Variants in RIN3 observed in about 807,000 individuals in gnomAD.
The protein encoded by RIN3 is RAB5 interacting protein 3.
A neutral mutation model predicts 76.3 loss-of-function variants in RIN3; 54 were observed. The observed-to-expected ratio is 0.71, with a 90% CI of 0.57 to 0.89. The LOEUF (loss-of-function observed/expected upper bound fraction) is 0.89, where lower values mean the gene tolerates loss of function less well. RIN3 is among the 40% of genes least tolerant of loss of function. RIN3 has a pLI of 0.00. For missense variants in RIN3, 1,256 were observed against 1,322.1 expected, an observed-to-expected ratio of 0.95 and a Z score of 0.78; for synonymous variants, 576 against 564.0, an observed-to-expected ratio of 1.02 and a Z score of -0.30.
chr14:92,628,440 C>G (rs1278063122), intron 4 of RIN3, among the ~76,000 whole-genome samples: 9 of 152,200 alleles, frequency 5.9e-5, no homozygotes, highest in Admixed American at 5.9e-4. Context: ...CCCAGAGCAT[C>G]CTCCTGTGGG....
At chr14:92,520,482 G>A (rs61270237) in intron 1 of RIN3, among the ~76,000 whole-genome samples, 5 of 152,282 alleles carry the variant, frequency 3.3e-5, no homozygotes, top group South Asian at 2.1e-4. Context: ...ACTCTGGGAC[G>A]TTTAGCAAAG....
chr14:92,671,320 C>A (rs1453384709), intron 7 of RIN3, among the ~76,000 whole-genome samples: 3 of 149,284 alleles, frequency 2.0e-5, no homozygotes, highest in African/African-American at 7.4e-5. Flanking sequence ...GAGGGGGTCC[C>A]AGGAGGGGGG....
intron 3 of RIN3, among the ~76,000 whole-genome samples, chr14:92,600,119 C>G (rs1025642492): frequency 5.3e-5 from 8 of 152,206 alleles, no homozygotes; most frequent in Admixed American, 3.9e-4. Flanking sequence ...ACCACCTGCG[C>G]TCAGAACCAG....
intron 6 of RIN3, among the ~76,000 whole-genome samples, 190 bp downstream of exon 6, chr14:92,653,265 C>T (rs545361700): frequency 8.2e-4 from 125 of 152,280 alleles, no homozygotes; most frequent in African/African-American, 3.0e-3. Context: ...TCCCCCCCTT[C>T]CCTAGAGAAT....
At chr14:92,636,036 G>A (rs1886762971) in intron 4 of RIN3, among the ~76,000 whole-genome samples, 1 of 152,188 alleles carries the variant, frequency 6.6e-6, no homozygotes, top group African/African-American at 2.4e-5. Flanking sequence ...GCTGTGGGAT[G>A]GGGCAAGCCA....
At chr14:92,598,760 T>C (rs1424591563) in intron 3 of RIN3, among the ~76,000 whole-genome samples, 1 of 152,172 alleles carries the variant, frequency 6.6e-6, no homozygotes, top group African/African-American at 2.4e-5. Context: ...GCTACAGAAA[T>C]AGCAGTTAAG....
intron 1 of RIN3, among the ~76,000 whole-genome samples, chr14:92,537,841 A>C (rs151324996): frequency 4.3e-5 from 4 of 93,264 alleles, no homozygotes; most frequent in African/African-American, 1.5e-4. Flanking sequence ...TATTTTATTT[A>C]TTTTTTTTTT....
chr14:92,548,238 T>A (rs946056181), intron 1 of RIN3, among the ~76,000 whole-genome samples: 1 of 152,250 alleles, frequency 6.6e-6, no homozygotes, highest in East Asian at 1.9e-4. Context: ...ATTTTTTTTT[T>A]AAACTTTCAA....
Position 92,687,935 on chromosome 14 carries a change from T to C in RIN3, c.2641T>C (p.Cys881Arg), listed in dbSNP as rs1178297474. Residue 881 changes from cysteine to arginine, a missense_variant, in exon 10 of 10, where the codon TGC (cysteine) becomes CGC (arginine). Coordinates refer to ENST00000216487, the MANE Select transcript of RIN3 (RefSeq NM_024832.5). ...CCTCGCGTCTCCGCAGGACTTCATCTGCGTGTCGTACCTGGAGCCCGAGCA... is the reference window on the plus strand; with the variant it reads ...CCTCGCGTCTCCGCAGGACTTCATCCGCGTGTCGTACCTGGAGCCCGAGCA... ...ASRSSVQDFI[C>R]VSYLEPEQQA... The C allele has an allele frequency of 6.5e-7, 1 of 1,546,272 alleles. No individual in the cohort carries two copies. The highest frequency in any genetic ancestry group is 2.0e-5 in the Admixed American group (1 of 50,418).
chr14:92,566,238 C>G (rs1242246299), intron 2 of RIN3, among the ~76,000 whole-genome samples: 1 of 152,210 alleles, frequency 6.6e-6, no homozygotes. Context: ...TGTTCCCTCA[C>G]TACTCCACCT....
At chr14:92,665,870 C>A (rs529313210) in intron 7 of RIN3, among the ~76,000 whole-genome samples, 1 of 152,234 alleles carries the variant, frequency 6.6e-6, no homozygotes, top group East Asian at 1.9e-4. Flanking sequence ...AATTTTAGAA[C>A]GAGGTCCCAG....
rs956582158 is a variant in RIN3 at position 92,643,331 on chromosome 14, C to T, written c.532+2002C>T. ...CCTCCCAAAGTGCTGGGATTACAGG[C>T]GTGAGCCACCACACCCGGCCGCCTC... On this transcript the variant is annotated intron_variant, in intron 5 of 9. Coordinates refer to ENST00000216487, the MANE Select transcript of RIN3 (RefSeq NM_024832.5). This position sits in a 1 kb window ranked among gnomAD's most constrained non-coding sequence, Gnocchi z 4.8. 5.9e-5 allele frequency among the ~76,000 whole-genome samples: 9 copies of T among 152,156 alleles called. No individual in the cohort carries two copies. Among genetic ancestry groups the T allele is most frequent in the East Asian group, 1.9e-4 (1 of 5,174 alleles).
At chr14:92,637,997 A>C (rs1259020322) in intron 4 of RIN3, among the ~76,000 whole-genome samples, 1 of 152,176 alleles carries the variant, frequency 6.6e-6, no homozygotes, top group African/African-American at 2.4e-5. Context: ...TTTAGTAAGA[A>C]TATCACTTAA....
At position 92,688,256 on chromosome 14, in the gene RIN3, C is replaced by T. The variant is rs1408204090; in HGVS notation, c.*4C>T. The T allele has an allele frequency of 1.3e-6, 2 of 1,567,484 alleles. No individual in the cohort carries two copies. Among genetic ancestry groups the T allele is most frequent in the Non-Finnish European group, 1.7e-6 (2 of 1,159,060 alleles). ...GCGGGAGCCCAACTTCCTGTGAGGCCCTCCCGGGGCGCCTCCCCTCACCCC... is the reference window on the plus strand; with the variant it reads ...GCGGGAGCCCAACTTCCTGTGAGGCTCTCCCGGGGCGCCTCCCCTCACCCC... On this transcript the variant is annotated 3_prime_UTR_variant, in exon 10 of 10. Coordinates refer to ENST00000216487, the MANE Select transcript of RIN3 (RefSeq NM_024832.5).
rs890356149 is a variant in RIN3 at position 92,656,979 on chromosome 14, G to A, written c.2027-2182G>A. Among the ~76,000 whole-genome samples the A allele has an allele frequency of 6.6e-6, 1 of 152,196 alleles. No individual in the cohort carries two copies. The highest frequency in any genetic ancestry group is 1.5e-5 in the Non-Finnish European group (1 of 68,038). On this transcript the variant is annotated intron_variant, in intron 6 of 9. Transcript: ENST00000216487. This position sits in a 1 kb window ranked among gnomAD's most constrained non-coding sequence, Gnocchi z 5.2. The stretch of plus-strand genomic sequence containing the variant: ...CCAGGCAGCCCAGCCCTTTCCATGA[G>A]CTGAGTCTCTGCCTCTGCCTCTCCC...
Position 92,648,507 on chromosome 14 carries a change from A to G in RIN3, c.533-3075A>G, listed in dbSNP as rs1053255734. On this transcript the variant is annotated intron_variant, in intron 5 of 9. Coordinates refer to ENST00000216487, the MANE Select transcript of RIN3 (RefSeq NM_024832.5). The surrounding 1 kb of genome is among the most constrained non-coding windows in gnomAD (Gnocchi z 4.1). ...CTGTCTTGTATTTACACATCCTCCC[A>G]TGGTTCAGGTTGTCCCCATCTTGCC... Among the ~76,000 whole-genome samples the G allele has an allele frequency of 6.6e-5, 10 of 151,908 alleles. No homozygotes were observed. Among genetic ancestry groups the G allele is most frequent in the Admixed American group, 3.3e-4 (5 of 15,266 alleles).
rs986963409 is a variant in RIN3, at chr14:92,641,421, G to A, written c.532+92G>A. The A allele has an allele frequency of 5.4e-6, 5 of 920,506 alleles. No homozygotes were observed. The Admixed American group carries it at 1.0e-4, about 19-fold the overall frequency. The allele number at this position is 920,506 out of a possible 1,614,324, so 57.0% of individuals were successfully genotyped here. ...CAGGGGCCGCCTGTGCAGAGGGACA[G>A]CCTGAGTCCCAGCTCCCATGGGACC... On this transcript the variant is annotated intron_variant, in intron 5 of 9. Transcript: ENST00000216487.
chr14:92,641,095 G>A (rs1886993105), intron 4 of RIN3, 143 bp from the exon 5 acceptor site: 3 of 651,308 alleles, frequency 4.6e-6, no homozygotes, highest in African/African-American at 1.8e-5. Flanking sequence ...CTGCCTCAGA[G>A]TCTGCCCCTC....
rs148509408 is a variant in RIN3 at position 92,554,349 on chromosome 14, C to G, written c.45-1402C>G. ...ACCGGACAGAACTGTGAACAGTAGG[C>G]AGTGCTCATTTCCCAGCGAAGCCCT... On this transcript the variant is annotated intron_variant, in intron 1 of 9. Coordinates refer to ENST00000216487, the MANE Select transcript of RIN3 (RefSeq NM_024832.5). Among the ~76,000 whole-genome samples the G allele has an allele frequency of 4.1e-3, 622 of 152,262 alleles. 2 individuals are homozygous for G. Among genetic ancestry groups the G allele is most frequent in the Admixed American group, 0.026 (394 of 15,280 alleles).
Sources: allele counts gnomAD v4.1 joint callset (sites outside exome capture counted in the v4.1 genomes callset), GRCh38; gene constraint gnomAD v4.1.1; non-coding constraint Gnocchi (gnomAD v3.1); transcripts MANE v1.5; gene names NCBI Gene and HGNC (gene_info 2026-07-23, HGNC 2026-07-21).